The following ZNF366 variants were observed in gnomAD, a reference collection of about 807,000 sequenced individuals.
ZNF366 encodes the protein zinc finger protein 366.
ZNF366 carries 20 observed loss-of-function variants against 47.2 expected under a neutral mutation model. The observed-to-expected ratio is 0.42, with a 90% confidence interval of 0.30 to 0.62. ZNF366 has a LOEUF of 0.62. ZNF366 is among the 20% of genes least tolerant of loss of function. ZNF366 has a pLI of 0.16. For missense variants in ZNF366, 987 were observed against 976.3 expected (o/e 1.01, Z -0.15); for synonymous variants, 421 against 395.1 (o/e 1.07, Z -0.78).
chr5:72,447,808 T>A (rs1488418198), intron 3 of ZNF366, among the ~76,000 whole-genome samples: 1 of 152,192 alleles, frequency 6.6e-6, no homozygotes, highest in Non-Finnish European at 1.5e-5. Flanking sequence ...TTGTTCTAAG[T>A]CTACCATGGA....
At chr5:72,454,059 C>T (rs1400458456) in intron 3 of ZNF366, among the ~76,000 whole-genome samples, 1 of 152,186 alleles carries the variant, frequency 6.6e-6, no homozygotes, top group Non-Finnish European at 1.5e-5. Flanking sequence ...AAAATATAAG[C>T]TGTGCATTGT....
intron 1 of ZNF366, among the ~76,000 whole-genome samples, chr5:72,482,409 T>C (rs1743806626): frequency 6.6e-6 from 1 of 152,162 alleles, no homozygotes; most frequent in African/African-American, 2.4e-5. Flanking sequence ...ATTCTGACAA[T>C]AAGGACTACC....
chr5:72,445,930 G>A (rs1742949873), intron 4 of ZNF366, among the ~76,000 whole-genome samples: 1 of 152,194 alleles, frequency 6.6e-6, no homozygotes, highest in African/African-American at 2.4e-5. Flanking sequence ...ACAGCTCCCT[G>A]TTATCCAGGA....
intron 1 of ZNF366, among the ~76,000 whole-genome samples, chr5:72,474,670 A>ACG (rs889375421): frequency 6.6e-6 from 1 of 151,988 alleles, no homozygotes; most frequent in African/African-American, 2.4e-5. Context: ...ACACACACAC[A>ACG]CACACAGACA....
chr5:72,479,054 A>G (rs1044368178), intron 1 of ZNF366, among the ~76,000 whole-genome samples: 1 of 152,202 alleles, frequency 6.6e-6, no homozygotes, highest in Admixed American at 6.5e-5. Context: ...CCTGAGGATG[A>G]GTGTAAATCC....
intron 3 of ZNF366, among the ~76,000 whole-genome samples, chr5:72,450,323 A>G (rs1241238072): frequency 1.3e-5 from 2 of 152,186 alleles, no homozygotes; most frequent in African/African-American, 2.4e-5. Flanking sequence ...CCAAGGTCCC[A>G]TCTATTTCCC....
intron 2 of ZNF366, among the ~76,000 whole-genome samples, chr5:72,457,165 C>G (rs1743209751): frequency 6.6e-6 from 1 of 152,186 alleles, no homozygotes; most frequent in Non-Finnish European, 1.5e-5. Context: ...CTGACCTCCA[C>G]AATGACATGG....
At chr5:72,506,377 T>A (rs1444162627) in intron 1 of ZNF366, among the ~76,000 whole-genome samples, 1 of 152,218 alleles carries the variant, frequency 6.6e-6, no homozygotes, top group East Asian at 1.9e-4. Context: ...ACTAATCTAA[T>A]TGAAGCAAGT....
chr5:72,464,424 G>T (rs532678667), intron 1 of ZNF366, among the ~76,000 whole-genome samples: 4 of 151,832 alleles, frequency 2.6e-5, no homozygotes, highest in African/African-American at 7.2e-5. Flanking sequence ...TCAACTAATT[G>T]TTTCCTTTTA....
Position 72,444,185 on chromosome 5 carries a change from C to T in ZNF366, c.1806G>A (p.Pro602=), listed in dbSNP as rs373026389. 8.1e-6 allele frequency: 13 copies of T among 1,613,372 alleles called. No homozygotes were observed. The highest frequency in any genetic ancestry group is 4.4e-5 in the South Asian group (4 of 91,084). ...DLSQKRRAKV[P]VFQSDGESAQ... ...CACTCTCCCCGTCTGACTGGAACAC[C>T]GGCACCTTGGCCCGGCGCTTCTGAG... is the stretch of plus-strand genomic sequence containing the variant. Residue 602 remains proline (P), a synonymous_variant, in exon 5 of 5, where the codon CCG becomes CCA. Transcript: ENST00000318442.
At chr5:72,466,789 G>C (rs1743438208) in intron 1 of ZNF366, among the ~76,000 whole-genome samples, 1 of 152,216 alleles carries the variant, frequency 6.6e-6, no homozygotes, top group African/African-American at 2.4e-5. Flanking sequence ...TTATTAGGTA[G>C]TTATGAAAAG....
rs145476513 is a variant in ZNF366, at chr5:72,447,270, C to T, written c.1672G>A (p.Val558Ile). ...TGGGAATGAAGGCCCCGCTCCATGA[C>T]TCCATGCTTGACTTTCATGTGGCGT... ...LTRHMKVKHG[V>I]MERGLHSQGL... Residue 558 changes from valine to isoleucine, a missense_variant, in exon 4 of 5, where the codon GTC (valine) becomes ATC (isoleucine). Physicochemically the swap from Val to Ile is conservative, Grantham distance 29. Around this residue, in one of 3 missense-constraint regions of ZNF366, gnomAD observed 285 missense variants for 234.8 expected, o/e 1.21. Transcript: ENST00000318442. The T allele has an allele frequency of 5.3e-5, 86 of 1,614,088 alleles. No homozygotes were observed. The highest frequency in any genetic ancestry group is 4.9e-4 in the Middle Eastern group (3 of 6,084).
At chr5:72,497,846 A>C (rs1269446243) in intron 1 of ZNF366, among the ~76,000 whole-genome samples, 3 of 152,178 alleles carry the variant, frequency 2.0e-5, no homozygotes, top group African/African-American at 7.2e-5. Context: ...GCTGCTTCTT[A>C]TTATGAATTA....
In ZNF366 at chr5:72,461,142, G is replaced by A. The variant is rs778170968; in HGVS notation, c.355C>T (p.Pro119Ser). The A allele has an allele frequency of 3.1e-6, 5 of 1,614,198 alleles. No individual in the cohort carries two copies. In the East Asian group the frequency reaches 8.9e-5, roughly 29 times the overall value. ...TGAGAGTCATACTTGGGGCGCGGGGGCTGCGGGAACAGCAAAGGGAGGTTG... is the reference window on the plus strand; with the variant it reads ...TGAGAGTCATACTTGGGGCGCGGGGACTGCGGGAACAGCAAAGGGAGGTTG... ...LPNLPLLFPQ[P>S]PRPKYDSQMI... The change falls in exon 2 of 5, where the codon CCC (proline) becomes TCC (serine). Residue 119 changes from proline to serine, a missense_variant. Physicochemically the swap from Pro to Ser is moderately conservative, Grantham distance 74. This residue lies in a region of ZNF366 where 591 missense variants were observed against 560.9 expected (regional missense o/e 1.05). Transcript: ENST00000318442.
At chr5:72,494,498 C>G (rs1744073023) in intron 1 of ZNF366, among the ~76,000 whole-genome samples, 1 of 152,112 alleles carries the variant, frequency 6.6e-6, no homozygotes, top group Admixed American at 6.5e-5. Context: ...CTAAACTGAA[C>G]TGTGCCTTCT....
In ZNF366 at chr5:72,443,545, G is replaced by T; in HGVS notation, c.*211C>A. 2 of 552,874 alleles carry T rather than the reference G, an allele frequency of 3.6e-6. No individual in the cohort carries two copies. The highest frequency in any genetic ancestry group is 5.9e-5 in the East Asian group (2 of 33,656). 34.2% of individuals were successfully genotyped at this position (552,874 alleles called of 1,614,324 possible). On this transcript the variant is annotated 3_prime_UTR_variant, in exon 5 of 5. Transcript: ENST00000318442. Reference sequence around the variant, plus strand: ...TACTGGCAATGCATAAAACGCCACTGATGAAGACCCTGCACATGTGTGAAG... The same window carrying T: ...TACTGGCAATGCATAAAACGCCACTTATGAAGACCCTGCACATGTGTGAAG...
intron 1 of ZNF366, among the ~76,000 whole-genome samples, chr5:72,469,591 A>G (rs1743515633): frequency 6.6e-6 from 1 of 152,210 alleles, no homozygotes; most frequent in African/African-American, 2.4e-5. Flanking sequence ...GAGATTTTAA[A>G]TATCGTAGAT....
chr5:72,487,619 C>T (rs1169396003), intron 1 of ZNF366, among the ~76,000 whole-genome samples: 1 of 152,114 alleles, frequency 6.6e-6, no homozygotes, highest in African/African-American at 2.4e-5. Flanking sequence ...AACTACCATG[C>T]CCTTAGCCTG....
intron 4 of ZNF366, among the ~76,000 whole-genome samples, 166 bp downstream of exon 4, chr5:72,447,077 C>G (rs1324901422): frequency 6.6e-6 from 1 of 152,182 alleles, no homozygotes; most frequent in Non-Finnish European, 1.5e-5. Context: ...CTTACTATGT[C>G]AGAAATTAGC....
Sources: allele counts gnomAD v4.1 joint callset (sites outside exome capture counted in the v4.1 genomes callset), GRCh38; gene constraint gnomAD v4.1.1; regional missense constraint gnomAD v4.1.1; transcripts MANE v1.5; gene names NCBI Gene and HGNC (gene_info 2026-07-23, HGNC 2026-07-21).